ZNF557: variants seen among roughly 807,000 people sequenced by gnomAD.
ZNF557 encodes CTB-25J19.9.
ZNF557 carries 19 observed loss-of-function variants against 21.2 expected under a neutral mutation model. The observed-to-expected ratio is 0.90, with a 90% CI of 0.63 to 1.32. The LOEUF (loss-of-function observed/expected upper bound fraction) is 1.32, where lower values mean the gene tolerates loss of function less well. Among genes scored for constraint, ZNF557 ranks in the 40% most tolerant of loss-of-function variants. The pLI is 0.00. For synonymous variants in ZNF557, 207 were observed against 194.8 expected (o/e 1.06, Z -0.52); for missense variants, 487 against 519.8 (o/e 0.94, Z 0.61).
chr19:7,073,438 G>C (rs1977507123), intron 2 of ZNF557, among the ~76,000 whole-genome samples: 1 of 152,184 alleles, frequency 6.6e-6, no homozygotes, highest in Admixed American at 6.5e-5. Flanking sequence ...TTGCAGGCGT[G>C]AGCCACTGTG....
At chr19:7,074,572 C>T (rs1240831069) in intron 2 of ZNF557, among the ~76,000 whole-genome samples, 1 of 150,464 alleles carries the variant, frequency 6.6e-6, no homozygotes, top group South Asian at 2.1e-4. Flanking sequence ...GTTGCAGGAA[C>T]CTAGGGTCTC....
At chr19:7,075,947 A>G (rs1977580160) in intron 4 of ZNF557, among the ~76,000 whole-genome samples, 1 of 152,120 alleles carries the variant, frequency 6.6e-6, no homozygotes, top group Non-Finnish European at 1.5e-5. Context: ...TGAGTACATC[A>G]TGTGCTCCTG....
chr19:7,079,828 G>A (rs1415148185), intron 5 of ZNF557, among the ~76,000 whole-genome samples: 2 of 152,090 alleles, frequency 1.3e-5, no homozygotes, highest in Non-Finnish European at 2.9e-5. Flanking sequence ...CTTTGCCAAT[G>A]GATCTGAATT....
At position 7,083,466 on chromosome 19, in the gene ZNF557, A is replaced by C. The variant is rs753367803; in HGVS notation, c.1015A>C (p.Ile339Leu). ...FRRRSNLTQH[I>L]RTHTGEKPYT... is the part of the protein sequence containing the mutation. ...GAGGAGGTCGAATCTGACACAGCACATAAGAACTCATACTGGAGAAAAACC... is the reference window on the plus strand; with the variant it reads ...GAGGAGGTCGAATCTGACACAGCACCTAAGAACTCATACTGGAGAAAAACC... The change falls in exon 8 of 8, where the codon ATA becomes CTA. Residue 339 changes from isoleucine to leucine, a missense_variant. Coordinates refer to ENST00000252840, the MANE Select transcript of ZNF557 (RefSeq NM_024341.3). The C allele has an allele frequency of 2.5e-6, 4 of 1,614,114 alleles. No individual in the cohort carries two copies. The highest frequency in any genetic ancestry group is 3.4e-6 in the Non-Finnish European group (4 of 1,180,060).
Position 7,076,448 on chromosome 19 carries a change from C to A in ZNF557, c.188C>A (p.Ala63Asp). The change falls in exon 5 of 8, where the codon GCC becomes GAC. Residue 63 changes from alanine to aspartate, a missense_variant. Ala to Asp is a moderately radical substitution (Grantham distance 126). Transcript: ENST00000252840. ...TQEEWALLDPAQRTLYRDVML... is the reference protein window; with the variant it reads ...TQEEWALLDPDQRTLYRDVML... ...GAGGAGTGGGCATTGCTGGACCCTGCCCAAAGGACACTGTACAGGGACGTG... is the reference window on the plus strand; with the variant it reads ...GAGGAGTGGGCATTGCTGGACCCTGACCAAAGGACACTGTACAGGGACGTG... 1 of 1,614,134 alleles carries A rather than the reference C, an allele frequency of 6.2e-7. No individual in the cohort carries two copies. The highest frequency in any genetic ancestry group is 8.5e-7 in the Non-Finnish European group (1 of 1,180,030).
chr19:7,077,609 TCA>T (rs751501677), intron 5 of ZNF557, among the ~76,000 whole-genome samples: 67 of 152,344 alleles, frequency 4.4e-4, no homozygotes, highest in Admixed American at 2.0e-3. Flanking sequence ...CTATGATCAT[TCA>T]TATACAAGAT....
intron 6 of ZNF557, 30 bp downstream of exon 6, chr19:7,081,485 G>T: frequency 6.8e-7 from 1 of 1,466,982 alleles, no homozygotes; most frequent in South Asian, 1.1e-5. Context: ...AAGTCCTTGT[G>T]AGGAACAGCT....
rs1219836787 is a variant in ZNF557, at chr19:7,084,083, A to G, written c.*339A>G. 7.0e-5 allele frequency: 16 copies of G among 229,922 alleles called. No individual in the cohort carries two copies. The South Asian group carries it at 9.8e-4, about 14-fold the overall frequency. 14.2% of individuals were successfully genotyped at this position (229,922 alleles called of 1,614,324 possible). ...CTGTTTCCAAGGGAGCTGCGCTTCC[A>G]AATCACGTAGGCCTCTCAACAGGGC... On this transcript the variant is annotated 3_prime_UTR_variant, in exon 8 of 8. Coordinates refer to ENST00000252840, the MANE Select transcript of ZNF557 (RefSeq NM_024341.3).
chr19:7,074,602 C>G (rs986627197), intron 2 of ZNF557, among the ~76,000 whole-genome samples: 22 of 150,366 alleles, frequency 1.5e-4, no homozygotes, highest in African/African-American at 4.9e-4. Context: ...ATGGCTGGAG[C>G]TCTGCTGGGC....
rs915879563 is a variant in ZNF557, at chr19:7,086,685, T to C, written c.*2941T>C. 2.0e-4 allele frequency: 30 copies of C among 150,798 alleles called. No homozygotes were observed. Among genetic ancestry groups the C allele is most frequent in the African/African-American group, 7.3e-4 (30 of 41,080 alleles). The allele number at this position is 150,798 out of a possible 1,614,324, so 9.3% of individuals were successfully genotyped here. ...ACAAATACTGTTTCTTAATGTTCAT[T>C]CTCCCTACTTAAAGAAAAAGATAAG... On this transcript the variant is annotated 3_prime_UTR_variant, in exon 8 of 8. Coordinates refer to ENST00000252840, the MANE Select transcript of ZNF557 (RefSeq NM_024341.3).
chr19:7,079,290 G>A (rs1977646087), intron 5 of ZNF557, among the ~76,000 whole-genome samples: 1 of 140,756 alleles, frequency 7.1e-6, no homozygotes, highest in African/African-American at 2.7e-5. Context: ...CACCCAGGCT[G>A]GAGTGCAGTG....
intron 2 of ZNF557, among the ~76,000 whole-genome samples, chr19:7,074,170 T>G (rs1258173570): frequency 6.6e-6 from 1 of 151,814 alleles, no homozygotes. Context: ...CCAGCTAATT[T>G]TTTATTTTTA....
chr19:7,079,086 A>G (rs1977639377), intron 5 of ZNF557, among the ~76,000 whole-genome samples: 2 of 151,950 alleles, frequency 1.3e-5, no homozygotes, highest in South Asian at 4.2e-4. Context: ...GGTTTCCATT[A>G]GTTCTTTGTA....
chr19:7,077,752 C>T (rs1374326150), intron 5 of ZNF557, among the ~76,000 whole-genome samples: 1 of 152,192 alleles, frequency 6.6e-6, no homozygotes, highest in Non-Finnish European at 1.5e-5. Context: ...TTTTACATTC[C>T]TACCAGCAGT....
chr19:7,083,341 G>A lies in ZNF557; in HGVS notation c.890G>A (p.Cys297Tyr), dbSNP rs905153165. The A allele has an allele frequency of 1.2e-6, 2 of 1,614,128 alleles. No individual in the cohort carries two copies. The highest frequency in any genetic ancestry group is 1.7e-6 in the Non-Finnish European group (2 of 1,180,056). Residue 297 changes from cysteine to tyrosine, a missense_variant, in exon 8 of 8, where the codon TGT becomes TAT. Transcript: ENST00000252840. ...TGEGHYVCNQ[C>Y]GKAFGTRSSL... ...GAGGGTCATTATGTATGTAATCAGTGTGGAAAGGCTTTCGGCACGAGGTCA... is the reference window on the plus strand; with the variant it reads ...GAGGGTCATTATGTATGTAATCAGTATGGAAAGGCTTTCGGCACGAGGTCA...
Position 7,083,659 on chromosome 19 carries a change from C to T in ZNF557, c.1208C>T (p.Pro403Leu), listed in dbSNP as rs760987487. The T allele has an allele frequency of 2.3e-5, 37 of 1,614,052 alleles. No individual in the cohort carries two copies. In the East Asian group the frequency reaches 8.0e-4, roughly 35 times the overall value. Residue 403 changes from proline (P) to leucine (L), a missense_variant, in exon 8 of 8, where the codon CCC becomes CTC. Coordinates refer to ENST00000252840, the MANE Select transcript of ZNF557 (RefSeq NM_024341.3). ...ATGAGAACTCACACTGGAAAAAAAC[C>T]CTATGAATGTAATTATTGCGGGAAA... ...KHMRTHTGKK[P>L]YECNYCGKSF...
rs999486957 is a variant in ZNF557 at position 7,069,780 on chromosome 19, C to G, written c.-172+7C>G. 2 of 152,320 alleles carry G rather than the reference C, an allele frequency of 1.3e-5. No homozygotes were observed. Among genetic ancestry groups the G allele is most frequent in the Non-Finnish European group, 2.9e-5 (2 of 68,088 alleles). The allele number at this position is 152,320 out of a possible 1,614,324, so 9.4% of individuals were successfully genotyped here. On this transcript the variant is annotated splice_region_variant and intron_variant, in intron 1 of 7. Transcript: ENST00000252840. ...GCGAGAGGTGCTTCATTCCGTGAGT[C>G]CGAGTCCAGAGAGGGGCCCCAGCCG...
chr19:7,081,498 G>T, intron 6 of ZNF557, 43 bp downstream of exon 6: 1 of 1,339,260 alleles, frequency 7.5e-7, no homozygotes, highest in Non-Finnish European at 1.1e-6. Context: ...GAACAGCTCT[G>T]GCCAGGGACT....
chr19:7,082,113 G>T, intron 7 of ZNF557, 61 bp downstream of exon 7: 1 of 1,394,434 alleles, frequency 7.2e-7, no homozygotes. Flanking sequence ...CATGAGAAAA[G>T]CCACAAGGAC....
Sources: gnomAD v4.1 joint callset for allele counts (sites outside exome capture counted in the v4.1 genomes callset) on GRCh38, gnomAD v4.1.1 for gene constraint, MANE v1.5 for transcripts, NCBI Gene and HGNC (gene_info 2026-07-23, HGNC 2026-07-21) for gene names.